Variants in EVA1A observed in about 807,000 individuals in gnomAD.
The protein encoded by EVA1A is protein eva-1 homolog A.
In EVA1A, 7 loss-of-function variants were observed where a neutral mutation model predicts 9.8. That is an observed-to-expected ratio of 0.71 (90% CI 0.41 to 1.34). The LOEUF (loss-of-function observed/expected upper bound fraction) is 1.34. EVA1A is among the 40% of genes most tolerant of loss of function. The probability of loss-of-function intolerance (pLI) is 0.01; values close to 1 mark genes in which losing one functional copy is unlikely to be tolerated. For missense variants in EVA1A, 206 were observed against 205.9 expected (o/e 1.00, Z 0.00); for synonymous variants, 90 against 85.6 (o/e 1.05, Z -0.28).
At chr2:75,565,930 TG>T (rs1202438223), upstream of EVA1A, among the ~76,000 whole-genome samples, 3 of 152,240 alleles carry the variant, frequency 2.0e-5, no homozygotes, top group African/African-American at 7.2e-5. Context: ...AATGTATACT[TG>T]TTTAAAATGT....
At chr2:75,569,369 T>G (rs867867783) in intron 1 of EVA1A, 1 of 152,690 alleles carries the variant, frequency 6.5e-6, no homozygotes. Context: ...TGCCTCCTGC[T>G]AATGCTCCTC....
intron 3 of EVA1A, among the ~76,000 whole-genome samples, chr2:75,517,600 C>T (rs748150612): frequency 1.9e-4 from 29 of 152,196 alleles, no homozygotes; most frequent in Non-Finnish European, 4.0e-4. Context: ...ATCTCATCTA[C>T]AGCTTCGTCA....
At chr2:75,512,571 G>A (rs929961878) in intron 3 of EVA1A, among the ~76,000 whole-genome samples, 3 of 152,210 alleles carry the variant, frequency 2.0e-5, no homozygotes, top group Non-Finnish European at 2.9e-5. Flanking sequence ...CTTGGTCAGA[G>A]AGGGTAGTGA....
intron 3 of EVA1A, among the ~76,000 whole-genome samples, chr2:75,517,130 T>A (rs1278326805): frequency 6.6e-6 from 1 of 152,022 alleles, no homozygotes; most frequent in Non-Finnish European, 1.5e-5. Flanking sequence ...AGAGAAGCCA[T>A]GAACTTCCTT....
chr2:75,515,351 G>C (rs1674966704), intron 3 of EVA1A, among the ~76,000 whole-genome samples: 1 of 152,214 alleles, frequency 6.6e-6, no homozygotes, highest in Non-Finnish European at 1.5e-5. Context: ...GAAGTAAACA[G>C]GGAGATTAAG....
At chr2:75,530,535 T>G (rs1433386547) in intron 1 of EVA1A, among the ~76,000 whole-genome samples, 1 of 151,878 alleles carries the variant, frequency 6.6e-6, no homozygotes, top group Non-Finnish European at 1.5e-5. Context: ...CAACAGTATA[T>G]CAAAAAAAAT....
At chr2:75,511,928 G>C (rs1674828873) in intron 3 of EVA1A, among the ~76,000 whole-genome samples, 1 of 152,112 alleles carries the variant, frequency 6.6e-6, no homozygotes, top group Non-Finnish European at 1.5e-5. Context: ...GAAAGAATGG[G>C]AAAAATAGGA....
At chr2:75,506,157 G>A (rs576888396) in intron 3 of EVA1A, among the ~76,000 whole-genome samples, 2 of 152,246 alleles carry the variant, frequency 1.3e-5, no homozygotes, top group Non-Finnish European at 2.9e-5. Context: ...ACTCCTTCCT[G>A]CCTTTGGATA....
Position 75,493,453 on chromosome 2 carries a change from C to T in EVA1A, c.242G>A (p.Ser81Asn). ...FLQDRESSSDSSDSEDGSEDT... is the reference protein window; with the variant it reads ...FLQDRESSSDNSDSEDGSEDT... Reference sequence around the variant, plus strand: ...CTCACTGCCATCCTCGCTGTCGCTGCTGTCGCTGCTGCTCTCTCTGTCCTG... The same window carrying T: ...CTCACTGCCATCCTCGCTGTCGCTGTTGTCGCTGCTGCTCTCTCTGTCCTG... Residue 81 changes from serine (S) to asparagine (N), a missense_variant, in exon 4 of 4, where the codon AGC becomes AAC. Ser to Asn is a conservative substitution (Grantham distance 46, BLOSUM62 1). Transcript: ENST00000393913. 6.2e-7 allele frequency: 1 copy of T among 1,613,860 alleles called. No individual in the cohort carries two copies. The highest frequency in any genetic ancestry group is 8.5e-7 in the Non-Finnish European group (1 of 1,179,762).
At position 75,551,646 on chromosome 2, in the gene EVA1A, T is replaced by C. The variant is rs181433736; in HGVS notation, c.-192+9034A>G. 1.2e-4 allele frequency among the ~76,000 whole-genome samples: 18 copies of C among 152,332 alleles called. No individual in the cohort carries two copies. In the East Asian group the frequency reaches 3.5e-3, roughly 29 times the overall value. ...CTTAAAATCCTAGGTCCATGACTTA[T>C]AGCTGTGTGACCTTGGGCAAATTAC... is the stretch of plus-strand genomic sequence containing the variant. On this transcript the variant is annotated intron_variant, in intron 1 of 3. Coordinates refer to ENST00000393913, the MANE Select transcript of EVA1A (RefSeq NM_001135032.2).
chr2:75,536,439 A>G (rs1251875861), intron 1 of EVA1A, among the ~76,000 whole-genome samples: 1 of 152,246 alleles, frequency 6.6e-6, no homozygotes, highest in East Asian at 1.9e-4. Flanking sequence ...TTATGCAACC[A>G]TTAACCAATA....
At chr2:75,529,898 C>A in intron 1 of EVA1A, among the ~76,000 whole-genome samples, 1 of 151,632 alleles carries the variant, frequency 6.6e-6, no homozygotes, top group Admixed American at 6.6e-5. Context: ...ACAAGGATCG[C>A]AACAGAACTA....
chr2:75,541,026 A>G (rs1050893441), intron 1 of EVA1A, among the ~76,000 whole-genome samples: 3 of 152,202 alleles, frequency 2.0e-5, no homozygotes, highest in Non-Finnish European at 2.9e-5. Flanking sequence ...CCTGCTGGAC[A>G]TCTCATACTT....
At chr2:75,550,059 A>T in intron 1 of EVA1A, among the ~76,000 whole-genome samples, 1 of 152,118 alleles carries the variant, frequency 6.6e-6, no homozygotes, top group South Asian at 2.1e-4. Flanking sequence ...GAAAACAGAG[A>T]TTGTCTTTGC....
chr2:75,544,603 C>A (rs999420881), intron 1 of EVA1A, among the ~76,000 whole-genome samples: 1 of 151,984 alleles, frequency 6.6e-6, no homozygotes, highest in Admixed American at 6.6e-5. Flanking sequence ...TACAGAGAAA[C>A]AAACACTGGA....
chr2:75,536,802 C>T (rs560136835), intron 1 of EVA1A, among the ~76,000 whole-genome samples: 11 of 152,060 alleles, frequency 7.2e-5, no homozygotes, highest in Non-Finnish European at 1.5e-4. Flanking sequence ...GAATTGAATT[C>T]GTAATTTTAA....
At chr2:75,528,327 G>A (rs961321882) in intron 1 of EVA1A, among the ~76,000 whole-genome samples, 3 of 152,202 alleles carry the variant, frequency 2.0e-5, no homozygotes, top group African/African-American at 7.2e-5. Context: ...AGGGAGGGGT[G>A]AGGCCTGAAA....
At chr2:75,511,527 C>A (rs1674810883) in intron 3 of EVA1A, among the ~76,000 whole-genome samples, 1 of 152,098 alleles carries the variant, frequency 6.6e-6, no homozygotes, top group Non-Finnish European at 1.5e-5. Flanking sequence ...ACGTGAAGGG[C>A]AAAACAGTAT....
chr2:75,564,186 G>T (rs535918367), upstream of EVA1A, among the ~76,000 whole-genome samples: 2 of 152,348 alleles, frequency 1.3e-5, no homozygotes, highest in South Asian at 4.1e-4. Context: ...CCTTCAGGGT[G>T]GAGGTGGTCA....
Sources: allele counts gnomAD v4.1 joint callset (sites outside exome capture counted in the v4.1 genomes callset), GRCh38; gene constraint gnomAD v4.1.1; transcripts MANE v1.5; gene names NCBI Gene and HGNC (gene_info 2026-07-23, HGNC 2026-07-21).